The following RBPJ variants were observed in gnomAD, a reference collection of about 807,000 sequenced individuals.
RBPJ encodes the protein recombination signal binding protein for immunoglobulin kappa J region.
In RBPJ, 9 loss-of-function variants were observed where a neutral mutation model predicts 67.8. The ratio of observed to expected loss-of-function variants is 0.13; its 90% confidence interval spans 0.08 to 0.23. RBPJ has a LOEUF of 0.23. RBPJ is among the 10% of genes least tolerant of loss of function. RBPJ has a pLI of 1.00. For missense variants in RBPJ, 305 were observed against 595.6 expected (o/e 0.51, Z 5.08); for synonymous variants, 198 against 203.3 (o/e 0.97, Z 0.22).
intron 1 of RBPJ, among the ~76,000 whole-genome samples, chr4:26,262,155 G>A (rs1216566831): frequency 6.6e-6 from 1 of 152,072 alleles, no homozygotes; most frequent in Non-Finnish European, 1.5e-5. Context: ...ATGTTGCCCA[G>A]GCTGGTCTTG....
chr4:26,263,160 CAAAT>C (rs140589834), intron 1 of RBPJ, among the ~76,000 whole-genome samples: 3,964 of 152,162 alleles, frequency 0.026, 172 homozygotes, highest in African/African-American at 0.091. Context: ...GCTGATGTAA[CAAAT>C]AAACCCGAAT....
At chr4:26,408,158 C>T (rs191262937) in intron 3 of RBPJ, among the ~76,000 whole-genome samples, 4 of 151,990 alleles carry the variant, frequency 2.6e-5, no homozygotes, top group Admixed American at 6.6e-5. Context: ...CATGAGACAC[C>T]GTGCTTGGCC....
rs1186686024 is a variant in RBPJ, at chr4:26,434,758, G to A, written c.*3751G>A. ...CCTTAAGGGGTTTATTTTACAAACT[G>A]TGCGCCTGTAAGGTTTATTAGCAAT... On this transcript the variant is annotated 3_prime_UTR_variant, in exon 11 of 11. Transcript: ENST00000355476. The A allele has an allele frequency of 6.6e-6, 1 of 152,196 alleles. No individual in the cohort carries two copies. Among genetic ancestry groups the A allele is most frequent in the East Asian group, 1.9e-4 (1 of 5,200 alleles). The allele number at this position is 152,196 out of a possible 1,614,324, so 9.4% of individuals were successfully genotyped here.
intron 1 of RBPJ, among the ~76,000 whole-genome samples, chr4:26,300,242 T>C (rs988330258): frequency 1.4e-4 from 18 of 131,408 alleles, no homozygotes; most frequent in African/African-American, 5.3e-4. Flanking sequence ...GGTGTGTGTA[T>C]GGGCAGGGGT....
At chr4:26,320,868 G>A (rs1722950818), upstream of RBPJ, 15 of 1,575,724 alleles carry the variant, frequency 9.5e-6, no homozygotes, top group Admixed American at 1.9e-5. Context: ...CGGGCGGCGC[G>A]AGGCGTCTGG....
Position 26,293,127 on chromosome 4 carries a change from CT to C in RBPJ, c.-166-69318del, listed in dbSNP as rs979991871. ...AAGCAGAAGCCACACTCTGAAGGGG[CT>C]CTTAGGCCAGTTGGGGTCCTTCTAC... On this transcript the variant is annotated intron_variant, in intron 1 of 4. Coordinates refer to the RBPJ transcript ENST00000512351. Among the ~76,000 whole-genome samples, 31 of 150,390 alleles carry C rather than the reference CT, an allele frequency of 2.1e-4. 1 individual carries two copies. The highest frequency in any genetic ancestry group is 7.1e-4 in the African/African-American group (29 of 40,898).
chr4:26,301,297 A>G (rs1722067124), intron 1 of RBPJ, among the ~76,000 whole-genome samples: 1 of 152,098 alleles, frequency 6.6e-6, no homozygotes, highest in African/African-American at 2.4e-5. Context: ...GGGTCCAAAT[A>G]AAAAAACAGG....
At chr4:26,177,862 G>A (rs929928718) in intron 1 of RBPJ, among the ~76,000 whole-genome samples, 3 of 152,194 alleles carry the variant, frequency 2.0e-5, no homozygotes, top group Admixed American at 6.5e-5. Context: ...TATTTTCTAA[G>A]TCTCTGCACA....
At chr4:26,276,166 T>C (rs1721074320) in intron 1 of RBPJ, among the ~76,000 whole-genome samples, 1 of 150,458 alleles carries the variant, frequency 6.6e-6, no homozygotes, top group Non-Finnish European at 1.5e-5. Flanking sequence ...TCCCAGCTAC[T>C]TGGGAGGCTG....
intron 1 of RBPJ, among the ~76,000 whole-genome samples, chr4:26,185,387 C>G (rs569752846): frequency 1.2e-4 from 19 of 152,250 alleles, no homozygotes; most frequent in African/African-American, 4.6e-4. Context: ...TGGTTTCTCT[C>G]CTCAACACCA....
chr4:26,386,477 C>T (rs144606339), intron 2 of RBPJ, 86 bp downstream of exon 2: 468 of 860,218 alleles, frequency 5.4e-4, no homozygotes, highest in Admixed American at 1.4e-3. Context: ...TAATAGGTAC[C>T]CTTAAAGTCA....
chr4:26,373,104 T>C (rs531289456), intron 1 of RBPJ, among the ~76,000 whole-genome samples: 1 of 152,324 alleles, frequency 6.6e-6, no homozygotes, highest in African/African-American at 2.4e-5. Flanking sequence ...AAAGAAGAAA[T>C]GTATTGCTTT....
At chr4:26,231,323 C>T (rs1252871080) in intron 1 of RBPJ, among the ~76,000 whole-genome samples, 1 of 152,042 alleles carries the variant, frequency 6.6e-6, no homozygotes, top group Non-Finnish European at 1.5e-5. Flanking sequence ...GATGACTAAT[C>T]AGTTCAACCC....
chr4:26,320,844 G>C (rs1404987674), upstream of RBPJ: 1 of 1,567,618 alleles, frequency 6.4e-7, no homozygotes, highest in South Asian at 1.2e-5. Context: ...CAGCGAGCAG[G>C]ATCCCCTACT....
chr4:26,183,262 C>T (rs935912381), intron 1 of RBPJ, among the ~76,000 whole-genome samples: 32 of 152,282 alleles, frequency 2.1e-4, no homozygotes, highest in African/African-American at 7.2e-4. Context: ...TGTCACTAGG[C>T]GATAGGAAGT....
intron 1 of RBPJ, among the ~76,000 whole-genome samples, chr4:26,252,952 T>C (rs1720162301): frequency 1.3e-5 from 2 of 152,240 alleles, no homozygotes; most frequent in African/African-American, 2.4e-5. Context: ...ACCCAGCTGC[T>C]TTTTCACTAG....
At chr4:26,308,269 C>G (rs1187303197) in intron 1 of RBPJ, among the ~76,000 whole-genome samples, 1 of 151,028 alleles carries the variant, frequency 6.6e-6, no homozygotes, top group South Asian at 2.1e-4. Context: ...GAGCAAGACT[C>G]CATCTCAAAA....
intron 1 of RBPJ, among the ~76,000 whole-genome samples, chr4:26,172,474 G>A (rs1231537644): frequency 6.6e-6 from 1 of 152,174 alleles, no homozygotes; most frequent in African/African-American, 2.4e-5. Flanking sequence ...GCCCTGAAAA[G>A]TCTCCTCCTG....
At chr4:26,114,499 G>A in the RBPJ span, among the ~76,000 whole-genome samples, 779 of 125,884 alleles carry the variant, frequency 6.2e-3, 11 homozygotes, top group African/African-American at 0.016. Flanking sequence ...ATATATATAT[G>A]TATGTGTGTG....
Sources: allele counts gnomAD v4.1 joint callset (sites outside exome capture counted in the v4.1 genomes callset), GRCh38; gene constraint gnomAD v4.1.1; transcripts MANE v1.5; gene names NCBI Gene and HGNC (gene_info 2026-07-23, HGNC 2026-07-21).